Variants in PLXNA2 observed in about 807,000 individuals in gnomAD.
PLXNA2 encodes plexin-A2.
A neutral mutation model predicts 193.5 loss-of-function variants in PLXNA2; 91 were observed. The observed-to-expected ratio is 0.47, with a 90% CI of 0.40 to 0.56. The LOEUF (loss-of-function observed/expected upper bound fraction) is 0.56, where lower values mean the gene tolerates loss of function less well. Ranked by LOEUF, PLXNA2 falls within the 20% of genes least tolerant of loss-of-function variation. PLXNA2 has a pLI of 0.00. For missense variants in PLXNA2, 1,995 were observed against 2,503.2 expected, an observed-to-expected ratio of 0.80 and a Z score of 4.33; for synonymous variants, 997 against 1,027.3, an observed-to-expected ratio of 0.97 and a Z score of 0.56.
In PLXNA2 at chr1:208,039,522, T is replaced by G. The variant is rs1358804300; in HGVS notation, c.4500+99A>C. ...CTCACCCCAGACCAGCCTCCCATCC[T>G]CTTTATTGACCCCCTAGACTGCTTT... On this transcript the variant is annotated intron_variant, in intron 24 of 31. Transcript: ENST00000367033. 2.0e-6 allele frequency: 3 copies of G among 1,522,112 alleles called. No homozygotes were observed. In the African/African-American group the frequency reaches 4.1e-5, roughly 21 times the overall value. The allele number at this position is 1,522,112 out of a possible 1,614,324, so 94.3% of individuals were successfully genotyped here.
rs188256215 is a variant in PLXNA2 at position 208,158,363 on chromosome 1, C to T, written c.1372-15900G>A. On this transcript the variant is annotated intron_variant, in intron 3 of 31. Coordinates refer to ENST00000367033, the MANE Select transcript of PLXNA2 (RefSeq NM_025179.4). Reference sequence around the variant, plus strand: ...CTCTGTGCTGTCTCTACTTCTTTCTCCCTGTGTCTGTCTCCTCTCTCATAC... The same window carrying T: ...CTCTGTGCTGTCTCTACTTCTTTCTTCCTGTGTCTGTCTCCTCTCTCATAC... Among the ~76,000 whole-genome samples the T allele has an allele frequency of 5.9e-5, 9 of 152,288 alleles. No homozygotes were observed. The East Asian group carries it at 1.5e-3, about 26-fold the overall frequency.
chr1:208,029,211 A>C, intron 29 of PLXNA2, 169 bp from the exon 30 acceptor site: 1 of 1,431,520 alleles, frequency 7.0e-7, no homozygotes, highest in Non-Finnish European at 9.1e-7. Context: ...GCTGTTACTG[A>C]CCTGGGAGAA....
At chr1:208,124,247 C>T (rs1238550499) in intron 4 of PLXNA2, among the ~76,000 whole-genome samples, 2 of 152,034 alleles carry the variant, frequency 1.3e-5, no homozygotes. Flanking sequence ...GGGAGAGGAG[C>T]AGAAAAAACA....
intron 4 of PLXNA2, among the ~76,000 whole-genome samples, chr1:208,116,283 TTAGG>T (rs1173390389): frequency 6.6e-6 from 1 of 152,260 alleles, no homozygotes; most frequent in East Asian, 1.9e-4. Flanking sequence ...TATACTCTTC[TTAGG>T]TAGGTAACTT....
At chr1:208,075,482 TG>T (rs1666118203) in intron 12 of PLXNA2, among the ~76,000 whole-genome samples, 1 of 152,174 alleles carries the variant, frequency 6.6e-6, no homozygotes, top group Admixed American at 6.5e-5. Context: ...TTTCATCAAT[TG>T]GTTTAGGTGA....
chr1:208,131,055 C>T (rs535911287), intron 4 of PLXNA2, among the ~76,000 whole-genome samples: 2 of 152,280 alleles, frequency 1.3e-5, no homozygotes, highest in South Asian at 4.1e-4. Context: ...AAGCCTGAAC[C>T]ATTTGTATGA....
intron 8 of PLXNA2, among the ~76,000 whole-genome samples, chr1:208,094,915 T>G (rs2102406187): frequency 6.6e-6 from 1 of 152,342 alleles, no homozygotes; most frequent in South Asian, 2.1e-4. Flanking sequence ...AAGATTCCTT[T>G]AGGGTTTAGC....
At chr1:208,213,747 T>C (rs914517105) in intron 2 of PLXNA2, among the ~76,000 whole-genome samples, 5 of 152,340 alleles carry the variant, frequency 3.3e-5, no homozygotes, top group Admixed American at 3.3e-4. Flanking sequence ...TCTTAGTTCT[T>C]TGGAGTATCA....
At chr1:208,186,759 C>A (rs1308277329) in intron 3 of PLXNA2, among the ~76,000 whole-genome samples, 2 of 138,262 alleles carry the variant, frequency 1.4e-5, no homozygotes, top group South Asian at 4.5e-4. Flanking sequence ...GTCGCCCAGG[C>A]GGGACTGCGG....
At chr1:208,064,753 C>T (rs767825886) in intron 12 of PLXNA2, among the ~76,000 whole-genome samples, 28 of 152,272 alleles carry the variant, frequency 1.8e-4, no homozygotes, top group Non-Finnish European at 3.4e-4. Flanking sequence ...ATCAAGGATT[C>T]GGAGATGGCC....
intron 4 of PLXNA2, among the ~76,000 whole-genome samples, chr1:208,110,990 C>G (rs780317264): frequency 3.9e-5 from 6 of 152,272 alleles, no homozygotes; most frequent in African/African-American, 1.4e-4. Context: ...AGGAGCCAGA[C>G]AGCAAGAGAG....
At chr1:208,068,218 A>T (rs1280461031) in intron 12 of PLXNA2, among the ~76,000 whole-genome samples, 8 of 152,230 alleles carry the variant, frequency 5.3e-5, no homozygotes, top group Admixed American at 2.6e-4. Context: ...ATTCTCTGTT[A>T]AAAGGAAATG....
At chr1:208,137,194 A>G (rs1025015054) in intron 4 of PLXNA2, among the ~76,000 whole-genome samples, 2 of 152,082 alleles carry the variant, frequency 1.3e-5, no homozygotes, top group African/African-American at 4.8e-5. Context: ...TGCTGTTCCC[A>G]AGGCCCTTTC....
rs1231309010 is a variant in PLXNA2 at position 208,152,949 on chromosome 1, TC to T, written c.1372-10487del. Among the ~76,000 whole-genome samples the T allele has an allele frequency of 1.2e-3, 182 of 152,252 alleles. 1 individual carries two copies. The highest frequency in any genetic ancestry group is 4.2e-3 in the African/African-American group (176 of 41,548). ...GCCTGCACCAATCTTTCCTTGGAAC[TC>T]CCATAGCACCTAGAATGTCTCTTGG... On this transcript the variant is annotated intron_variant, in intron 3 of 31. Coordinates refer to ENST00000367033, the MANE Select transcript of PLXNA2 (RefSeq NM_025179.4).
At chr1:208,051,575 C>A in intron 15 of PLXNA2, 152 bp from the exon 16 acceptor site, 1 of 629,050 alleles carries the variant, frequency 1.6e-6, no homozygotes, top group Admixed American at 3.4e-5. Context: ...ACACATCCCG[C>A]ATCAGTATAG....
intron 12 of PLXNA2, among the ~76,000 whole-genome samples, chr1:208,071,050 G>C (rs756212774): frequency 3.3e-5 from 5 of 152,218 alleles, no homozygotes; most frequent in African/African-American, 9.6e-5. Context: ...ACATTGCCCA[G>C]CGTGGCATTG....
rs1665052163 is a variant in PLXNA2, at chr1:208,046,046, G to T, written c.3327C>A (p.Gly1109=). 1 of 1,614,130 alleles carries T rather than the reference G, an allele frequency of 6.2e-7. No homozygotes were observed. The highest frequency in any genetic ancestry group is 8.5e-7 in the Non-Finnish European group (1 of 1,180,046). ...APSLTTDYRP[G]LDTVERPDEF... is the part of the protein sequence containing the mutation. ...CATCTGGGCGTTCCACAGTGTCCAG[G>T]CCAGGGCGGTAGTCCGTGGTCAGAG... Residue 1109 remains glycine, a synonymous_variant, in exon 18 of 32, where the codon GGC becomes GGA. Coordinates refer to ENST00000367033, the MANE Select transcript of PLXNA2 (RefSeq NM_025179.4).
chr1:208,099,664 G>A (rs1351350751), intron 5 of PLXNA2, among the ~76,000 whole-genome samples: 2 of 152,042 alleles, frequency 1.3e-5, no homozygotes, highest in African/African-American at 2.4e-5. Context: ...TCCACCTCCC[G>A]GGTTCAGGCA....
At chr1:208,161,611 T>C (rs753585869) in intron 3 of PLXNA2, among the ~76,000 whole-genome samples, 3 of 152,120 alleles carry the variant, frequency 2.0e-5, no homozygotes, top group Non-Finnish European at 2.9e-5. Context: ...GGTGCACGAG[T>C]GTCCTTGGGC....
Sources: allele counts gnomAD v4.1 joint callset (sites outside exome capture counted in the v4.1 genomes callset), GRCh38; gene constraint gnomAD v4.1.1; transcripts MANE v1.5; gene names NCBI Gene and HGNC (gene_info 2026-07-23, HGNC 2026-07-21).